Variants in ATRNL1 observed in about 807,000 individuals in gnomAD.
ATRNL1 encodes the protein attractin like 1, also known as attractin-like protein 1.
Under a neutral mutation model 182.7 loss-of-function variants are expected in ATRNL1, and 95 were observed. The observed-to-expected ratio is 0.52, with a 90% CI of 0.44 to 0.62. The LOEUF (loss-of-function observed/expected upper bound fraction) is 0.62, where lower values mean the gene tolerates loss of function less well. Among genes scored for constraint, ATRNL1 ranks in the 20% least tolerant of loss-of-function variants. ATRNL1 has a pLI of 0.00. For missense variants in ATRNL1, 1,471 were observed against 1,679.5 expected (o/e 0.88, Z 2.17); for synonymous variants, 576 against 568.3 (o/e 1.01, Z -0.19).
intron 5 of ATRNL1, among the ~76,000 whole-genome samples, chr10:115,159,720 T>G (rs2143992587): frequency 6.6e-6 from 1 of 151,786 alleles, no homozygotes; most frequent in African/African-American, 2.4e-5. Context: ...AACTGATATT[T>G]GAGTACATTG....
intron 7 of ATRNL1, among the ~76,000 whole-genome samples, chr10:115,168,830 CT>C (rs545671170): frequency 1.1e-4 from 17 of 151,778 alleles, no homozygotes; most frequent in African/African-American, 3.1e-4. Flanking sequence ...TCCAATTTAA[CT>C]TTTTTTCCTT....
At chr10:115,683,922 C>T (rs1035096972) in intron 26 of ATRNL1, among the ~76,000 whole-genome samples, 7 of 151,590 alleles carry the variant, frequency 4.6e-5, no homozygotes, top group African/African-American at 1.7e-4. Flanking sequence ...ATAAGCTCTG[C>T]CTAAGAAAAT....
intron 26 of ATRNL1, among the ~76,000 whole-genome samples, chr10:115,714,715 A>T (rs1012325945): frequency 3.3e-4 from 50 of 152,162 alleles, no homozygotes; most frequent in African/African-American, 1.2e-3. Context: ...GTAATGAAGC[A>T]TGTATTTCTT....
At chr10:115,832,559 G>A (rs1950582180) in intron 27 of ATRNL1, among the ~76,000 whole-genome samples, 1 of 152,120 alleles carries the variant, frequency 6.6e-6, no homozygotes, top group South Asian at 2.1e-4. Context: ...GTCTCCTGTG[G>A]TATGTCATTA....
chr10:115,788,165 T>G (rs1272407823), intron 27 of ATRNL1, among the ~76,000 whole-genome samples: 1 of 152,226 alleles, frequency 6.6e-6, no homozygotes, highest in Non-Finnish European at 1.5e-5. Context: ...TCTCAGTAGT[T>G]CTATGCAGAA....
chr10:115,529,434 T>C (rs1851434917), intron 25 of ATRNL1, among the ~76,000 whole-genome samples: 1 of 151,792 alleles, frequency 6.6e-6, no homozygotes, highest in Non-Finnish European at 1.5e-5. Context: ...AATCTCTTAA[T>C]TTTATGTGAC....
At chr10:115,522,846 C>A (rs1554985604) in intron 25 of ATRNL1, among the ~76,000 whole-genome samples, 1 of 152,170 alleles carries the variant, frequency 6.6e-6, no homozygotes, top group Non-Finnish European at 1.5e-5. Flanking sequence ...TGATAACATG[C>A]TGCATGAAAA....
intron 28 of ATRNL1, among the ~76,000 whole-genome samples, chr10:115,886,659 A>T (rs950768090): frequency 2.0e-5 from 3 of 152,256 alleles, no homozygotes; most frequent in Non-Finnish European, 2.9e-5. Flanking sequence ...TAAGAACCAT[A>T]ATCCTAAAGA....
intron 28 of ATRNL1, among the ~76,000 whole-genome samples, chr10:115,855,742 C>T (rs781784901): frequency 2.0e-5 from 3 of 152,134 alleles, no homozygotes; most frequent in Admixed American, 1.3e-4. Context: ...TCTCAGGGAC[C>T]GAAATCAAGC....
chr10:115,896,784 A>G (rs1565469170), intron 28 of ATRNL1, among the ~76,000 whole-genome samples: 1 of 152,194 alleles, frequency 6.6e-6, no homozygotes, highest in African/African-American at 2.4e-5. Context: ...CTGTTCAAAA[A>G]ATATGAATTC....
At chr10:115,127,520 C>A in intron 3 of ATRNL1, 73 bp from the exon 4 acceptor site, 2 of 1,284,536 alleles carry the variant, frequency 1.6e-6, no homozygotes, top group Non-Finnish European at 2.2e-6. Context: ...AAGAATATTT[C>A]TGAGTAAATT....
chr10:115,794,710 A>G (rs1481016333), intron 27 of ATRNL1, among the ~76,000 whole-genome samples: 7 of 152,136 alleles, frequency 4.6e-5, no homozygotes, highest in Non-Finnish European at 8.8e-5. Context: ...GATGTGCACA[A>G]TGTCATCTTG....
chr10:115,448,722 A>G (rs2134474210), intron 21 of ATRNL1, among the ~76,000 whole-genome samples: 1 of 152,318 alleles, frequency 6.6e-6, no homozygotes, highest in Non-Finnish European at 1.5e-5. Context: ...AAAACATTTA[A>G]AAGATAAACA....
intron 27 of ATRNL1, among the ~76,000 whole-genome samples, chr10:115,810,914 A>G (rs953456228): frequency 6.6e-6 from 1 of 151,794 alleles, no homozygotes; most frequent in Non-Finnish European, 1.5e-5. Flanking sequence ...GATTTATCAT[A>G]TTTATTGATA....
At chr10:115,388,571 T>C (rs568627198) in intron 19 of ATRNL1, among the ~76,000 whole-genome samples, 75 of 152,112 alleles carry the variant, frequency 4.9e-4, no homozygotes, top group Admixed American at 1.9e-3. Flanking sequence ...GGTTGTGCTT[T>C]ATGAGACAAA....
intron 27 of ATRNL1, among the ~76,000 whole-genome samples, chr10:115,786,164 C>T (rs1454587277): frequency 1.3e-5 from 2 of 152,156 alleles, no homozygotes; most frequent in Non-Finnish European, 2.9e-5. Flanking sequence ...GTCATCAAGG[C>T]TTTTCCTATC....
rs145448802 is a variant in ATRNL1, at chr10:115,301,880, G to A, written c.2655G>A (p.Pro885=). The A allele has an allele frequency of 7.7e-5, 124 of 1,606,858 alleles. 1 individual carries two copies. The highest frequency in any genetic ancestry group is 2.7e-4 in the South Asian group (24 of 89,458). Residue 885 remains proline, a synonymous_variant, in exon 17 of 29, where the codon CCG becomes CCA. Coordinates refer to ENST00000355044, the MANE Select transcript of ATRNL1 (RefSeq NM_207303.4). ...PVVSPNQNAR[P]CKKPCSLRTS... ...TTAGTCCAAATCAAAATGCGAGGCC[G>A]TGCAAAAAGCCATGCTCTCTGAGGA...
chr10:115,736,374 T>C (rs1380970249), intron 27 of ATRNL1, among the ~76,000 whole-genome samples: 1 of 152,126 alleles, frequency 6.6e-6, no homozygotes, highest in East Asian at 1.9e-4. Flanking sequence ...TATTTTATTA[T>C]TTATTTATTA....
At chr10:115,122,492 G>C (rs1844785966) in intron 3 of ATRNL1, among the ~76,000 whole-genome samples, 1 of 151,800 alleles carries the variant, frequency 6.6e-6, no homozygotes, top group Non-Finnish European at 1.5e-5. Flanking sequence ...TTGTTGATAA[G>C]TTACTCATTA....
Sources: gnomAD v4.1 joint callset for allele counts (sites outside exome capture counted in the v4.1 genomes callset) on GRCh38, gnomAD v4.1.1 for gene constraint, MANE v1.5 for transcripts, NCBI Gene and HGNC (gene_info 2026-07-23, HGNC 2026-07-21) for gene names.